The following GRM3 variants were observed in gnomAD, a reference collection of about 807,000 sequenced individuals.
The protein encoded by GRM3 is glutamate metabotropic receptor 3.
In GRM3, 26 loss-of-function variants were observed where a neutral mutation model predicts 70.5. The observed-to-expected ratio is 0.37, with a 90% CI of 0.27 to 0.51. The LOEUF (loss-of-function observed/expected upper bound fraction) is 0.51, where lower values mean the gene tolerates loss of function less well. Among genes scored for constraint, GRM3 ranks in the 20% least tolerant of loss-of-function variants. The pLI is 0.93. For missense variants in GRM3, 859 were observed against 1,123.8 expected, an observed-to-expected ratio of 0.76 and a Z score of 3.37; for synonymous variants, 443 against 434.9, an observed-to-expected ratio of 1.02 and a Z score of -0.23.
At chr7:86,655,965 C>T (rs367978398) in intron 1 of GRM3, among the ~76,000 whole-genome samples, 3 of 152,036 alleles carry the variant, frequency 2.0e-5, no homozygotes, top group African/African-American at 7.2e-5. Flanking sequence ...TCCTCCGTTC[C>T]TGCTCTTTCA....
chr7:86,723,308 A>G (rs1259176787), intron 1 of GRM3, among the ~76,000 whole-genome samples: 2 of 152,130 alleles, frequency 1.3e-5, no homozygotes, highest in Non-Finnish European at 2.9e-5. Flanking sequence ...GAGAAAAGGT[A>G]ACAGAAATTG....
At chr7:86,693,563 T>C in intron 1 of GRM3, among the ~76,000 whole-genome samples, 1 of 151,998 alleles carries the variant, frequency 6.6e-6, no homozygotes. Flanking sequence ...CCAGGAAAAA[T>C]GGCCAAATCG....
At chr7:86,844,531 CA>C (rs1798617030) in intron 4 of GRM3, among the ~76,000 whole-genome samples, 1 of 151,676 alleles carries the variant, frequency 6.6e-6, no homozygotes, top group Non-Finnish European at 1.5e-5. Context: ...GATTTTTAAG[CA>C]GGGGAGTTTA....
intron 1 of GRM3, among the ~76,000 whole-genome samples, chr7:86,705,555 A>G (rs556296078): frequency 6.6e-6 from 1 of 152,184 alleles, no homozygotes; most frequent in African/African-American, 2.4e-5. Flanking sequence ...AAAGCTCTAG[A>G]AGCCTTTTAA....
intron 5 of GRM3, among the ~76,000 whole-genome samples, 156 bp from the exon 6 acceptor site, chr7:86,864,126 G>A (rs1025598415): frequency 6.7e-6 from 1 of 149,176 alleles, no homozygotes; most frequent in African/African-American, 2.6e-5. Flanking sequence ...CCCATCACCT[G>A]GGTAGTATAC....
chr7:86,693,127 C>T (rs1313119091), intron 1 of GRM3, among the ~76,000 whole-genome samples: 1 of 152,152 alleles, frequency 6.6e-6, no homozygotes, highest in Non-Finnish European at 1.5e-5. Flanking sequence ...AATTGGAGGG[C>T]AGACCACTAT....
chr7:86,801,989 C>A lies in GRM3; in HGVS notation c.1324+14873C>A, dbSNP rs188836059. 1.6e-3 allele frequency among the ~76,000 whole-genome samples: 246 copies of A among 152,108 alleles called. 2 individuals are homozygous for A. Among genetic ancestry groups the A allele is most frequent in the African/African-American group, 5.6e-3 (232 of 41,506 alleles). On this transcript the variant is annotated intron_variant, in intron 3 of 5. Coordinates refer to ENST00000361669, the MANE Select transcript of GRM3 (RefSeq NM_000840.3). Reference sequence around the variant, plus strand: ...TGTGATCCTTGGTCTATCATTTTCACCCTGAATTTAAGCTAAAACCAATTA... The same window carrying A: ...TGTGATCCTTGGTCTATCATTTTCAACCTGAATTTAAGCTAAAACCAATTA...
chr7:86,864,246 C>A, intron 5 of GRM3, 36 bp from the exon 6 acceptor site: 1 of 1,056,850 alleles, frequency 9.5e-7, no homozygotes, highest in Non-Finnish European at 1.5e-6. Context: ...TCCCACTTGA[C>A]TAACTTTGAG....
intron 3 of GRM3, among the ~76,000 whole-genome samples, chr7:86,788,691 C>A (rs1246245572): frequency 1.3e-5 from 2 of 152,118 alleles, no homozygotes; most frequent in Non-Finnish European, 2.9e-5. Context: ...AATATCTTTA[C>A]TCTAAAAATA....
intron 1 of GRM3, among the ~76,000 whole-genome samples, chr7:86,747,104 T>C (rs1186776663): frequency 6.6e-6 from 1 of 152,104 alleles, no homozygotes; most frequent in African/African-American, 2.4e-5. Context: ...CCCTTCCATA[T>C]GTAAGTGTCC....
chr7:86,751,115 C>T (rs146182304), intron 1 of GRM3, among the ~76,000 whole-genome samples: 14 of 152,170 alleles, frequency 9.2e-5, no homozygotes, highest in Non-Finnish European at 1.6e-4. Flanking sequence ...CAGGTATCAC[C>T]GTGGGCAAGA....
At chr7:86,829,562 T>G (rs542457282) in intron 3 of GRM3, among the ~76,000 whole-genome samples, 1 of 152,196 alleles carries the variant, frequency 6.6e-6, no homozygotes, top group African/African-American at 2.4e-5. Context: ...AGGTCATTAA[T>G]TGGCCTAATG....
intron 1 of GRM3, among the ~76,000 whole-genome samples, chr7:86,710,610 TGA>T (rs1446026123): frequency 7.6e-6 from 1 of 131,750 alleles, no homozygotes; most frequent in African/African-American, 2.9e-5. Flanking sequence ...AGAGAGAGAG[TGA>T]GAGAGAGATT....
chr7:86,856,452 CAAAA>C (rs572172399), intron 5 of GRM3, among the ~76,000 whole-genome samples: 1 of 67,570 alleles, frequency 1.5e-5, no homozygotes, highest in African/African-American at 4.6e-5. Context: ...TCGCCCTCTG[CAAAA>C]AAAAAAAAAA....
At chr7:86,716,683 CAAAA>C (rs55934116) in intron 1 of GRM3, among the ~76,000 whole-genome samples, 4,628 of 139,386 alleles carry the variant, frequency 0.033, 88 homozygotes, top group East Asian at 0.064. Flanking sequence ...CAGTTATATG[CAAAA>C]AAAAAAAAAA....
At chr7:86,754,180 A>C (rs1008855406) in intron 1 of GRM3, among the ~76,000 whole-genome samples, 1 of 152,108 alleles carries the variant, frequency 6.6e-6, no homozygotes, top group Admixed American at 6.6e-5. Flanking sequence ...GTTGACTTCT[A>C]TTTGAGTATG....
rs899440345 is a variant in GRM3 at position 86,796,237 on chromosome 7, G to A, written c.1324+9121G>A. The stretch of plus-strand genomic sequence containing the variant: ...TTTAATCCATCTTGAGTTAATTTTT[G>A]TATAAGGTACAAGGAAGGGATCCTA... On this transcript the variant is annotated intron_variant, in intron 3 of 5. Coordinates refer to ENST00000361669, the MANE Select transcript of GRM3 (RefSeq NM_000840.3). Among the ~76,000 whole-genome samples the A allele has an allele frequency of 7.2e-5, 11 of 152,278 alleles. No homozygotes were observed. The East Asian group carries it at 1.2e-3, about 16-fold the overall frequency.
At chr7:86,806,495 G>A (rs1260379041) in intron 3 of GRM3, among the ~76,000 whole-genome samples, 1 of 152,102 alleles carries the variant, frequency 6.6e-6, no homozygotes, top group Non-Finnish European at 1.5e-5. Flanking sequence ...TTCTCTGATG[G>A]CTAGTGATGA....
At chr7:86,857,490 A>G (rs75884135) in intron 5 of GRM3, among the ~76,000 whole-genome samples, 6,425 of 152,290 alleles carry the variant, frequency 0.042, 457 homozygotes, top group African/African-American at 0.15. Context: ...AGCCAAAGAG[A>G]TCATTTAGGA....
Sources: gnomAD v4.1 joint callset for allele counts (sites outside exome capture counted in the v4.1 genomes callset) on GRCh38, gnomAD v4.1.1 for gene constraint, MANE v1.5 for transcripts, NCBI Gene and HGNC (gene_info 2026-07-23, HGNC 2026-07-21) for gene names.